PARD3B: variants seen among roughly 807,000 people sequenced by gnomAD.
The protein encoded by PARD3B is par-3 family cell polarity regulator beta.
Under a neutral mutation model 130.2 loss-of-function variants are expected in PARD3B, and 103 were observed. That is an observed-to-expected ratio of 0.79 (90% CI 0.67 to 0.93). The LOEUF (loss-of-function observed/expected upper bound fraction) is 0.93, where lower values mean the gene tolerates loss of function less well. PARD3B is among the 40% of genes least tolerant of loss of function. The pLI, the probability that PARD3B is intolerant of heterozygous loss-of-function variation, is 0.00. For synonymous variants in PARD3B, 583 were observed against 553.2 expected, an observed-to-expected ratio of 1.05 and a Z score of -0.76; for missense variants, 1,609 against 1,499.2, an observed-to-expected ratio of 1.07 and a Z score of -1.21.
At chr2:204,730,541 C>A (rs1406965062) in intron 2 of PARD3B, among the ~76,000 whole-genome samples, 2 of 149,490 alleles carry the variant, frequency 1.3e-5, no homozygotes, top group Admixed American at 1.3e-4. Flanking sequence ...ATACCATCCT[C>A]CTAAAAGCAA....
intron 2 of PARD3B, among the ~76,000 whole-genome samples, chr2:204,789,128 C>A (rs781729516): frequency 1.9e-4 from 29 of 152,172 alleles, no homozygotes; most frequent in Non-Finnish European, 4.0e-4. Flanking sequence ...GCAATCATAG[C>A]TCACTGCAGC....
intron 21 of PARD3B, among the ~76,000 whole-genome samples, chr2:205,528,611 C>T (rs1390784299): frequency 6.6e-6 from 1 of 152,072 alleles, no homozygotes; most frequent in Non-Finnish European, 1.5e-5. Flanking sequence ...TCTGCCTCAG[C>T]CTCCCAAGTA....
rs1039758697 is a variant in PARD3B, at chr2:205,264,609, T to C, written c.2185+18787T>C. 6.6e-5 allele frequency among the ~76,000 whole-genome samples: 10 copies of C among 151,206 alleles called. 1 individual carries two copies. The highest frequency in any genetic ancestry group is 2.6e-4 in the Admixed American group (4 of 15,130). The stretch of plus-strand genomic sequence containing the variant: ...AGTCATACAATGAAATTTGCACTGA[T>C]TTTGTGAACATAATCTTATGATTTC... On this transcript the variant is annotated intron_variant, in intron 16 of 22. Coordinates refer to ENST00000406610, the MANE Select transcript of PARD3B (RefSeq NM_001302769.2).
chr2:205,253,249 GA>G lies in PARD3B; in HGVS notation c.2185+7428del. ...TACTTCTTGATAACAAGAGTGAGAA[GA>G]TAGAGACAGGGTAGATAGACACTTA... On this transcript the variant is annotated intron_variant, in intron 16 of 22. Coordinates refer to ENST00000406610, the MANE Select transcript of PARD3B (RefSeq NM_001302769.2). The surrounding 1 kb of genome is among the most constrained non-coding windows in gnomAD (Gnocchi z 4.4). 1 of 453,502 alleles carries G rather than the reference GA, an allele frequency of 2.2e-6. No individual in the cohort carries two copies. Among genetic ancestry groups the G allele is most frequent in the Non-Finnish European group, 4.4e-6 (1 of 225,962 alleles). 28.1% of individuals were successfully genotyped at this position (453,502 alleles called of 1,614,324 possible). A position where few individuals can be genotyped will look rare whatever the true frequency, so the allele number is the denominator to read the frequency against.
chr2:204,886,719 T>A (rs1487545065), intron 2 of PARD3B, among the ~76,000 whole-genome samples: 1 of 152,222 alleles, frequency 6.6e-6, no homozygotes, highest in Non-Finnish European at 1.5e-5. Flanking sequence ...TCTTCAGTTC[T>A]AACAGAGCCC....
intron 2 of PARD3B, among the ~76,000 whole-genome samples, chr2:204,835,241 A>G (rs932280150): frequency 3.3e-5 from 5 of 152,214 alleles, no homozygotes; most frequent in Non-Finnish European, 5.9e-5. Context: ...CACTGGGTAG[A>G]TGAGATGCAT....
At chr2:204,653,866 A>G (rs764635515) in intron 1 of PARD3B, among the ~76,000 whole-genome samples, 3 of 151,108 alleles carry the variant, frequency 2.0e-5, no homozygotes, top group Non-Finnish European at 4.4e-5. Context: ...GTTTAACCTA[A>G]TGAAGCACTG....
chr2:205,351,135 A>C lies in PARD3B; in HGVS notation c.2630+49434A>C, dbSNP rs1249003869. On this transcript the variant is annotated intron_variant, in intron 18 of 22. Transcript: ENST00000406610. The surrounding 1 kb of genome is among the most constrained non-coding windows in gnomAD (Gnocchi z 4.2). The stretch of plus-strand genomic sequence containing the variant: ...CAAAAGGTGAATATTTTCTGGAATA[A>C]AATACAGAGTTGAAGTGAAATCATG... 6.6e-6 allele frequency among the ~76,000 whole-genome samples: 1 copy of C among 152,226 alleles called. No homozygotes were observed.
chr2:204,993,908 G>T (rs541322707), intron 3 of PARD3B, among the ~76,000 whole-genome samples: 21 of 151,588 alleles, frequency 1.4e-4, no homozygotes, highest in African/African-American at 4.1e-4. Context: ...TTGTATTTCT[G>T]TGGGATCGGT....
chr2:204,854,974 T>G (rs1483866398), intron 2 of PARD3B, among the ~76,000 whole-genome samples: 2 of 152,174 alleles, frequency 1.3e-5, no homozygotes, highest in Non-Finnish European at 2.9e-5. Context: ...GTGGATGCGC[T>G]GAATTTTATA....
At chr2:204,682,326 C>T (rs980962155) in intron 1 of PARD3B, among the ~76,000 whole-genome samples, 1 of 152,132 alleles carries the variant, frequency 6.6e-6, no homozygotes, top group Non-Finnish European at 1.5e-5. Context: ...AGTGTCTGAA[C>T]TTCGGAAAGT....
intron 3 of PARD3B, among the ~76,000 whole-genome samples, chr2:204,983,420 G>A (rs1177572267): frequency 1.4e-5 from 2 of 145,670 alleles, no homozygotes; most frequent in South Asian, 2.4e-4. Flanking sequence ...GGGAGAGGAA[G>A]GGGGGAGGAG....
At chr2:204,579,043 G>T (rs991062429) in intron 1 of PARD3B, among the ~76,000 whole-genome samples, 5 of 151,954 alleles carry the variant, frequency 3.3e-5, no homozygotes, top group African/African-American at 1.2e-4. Context: ...AACTTGAGTT[G>T]TCCCGGTTGA....
At chr2:205,379,803 C>T (rs1004711391) in intron 18 of PARD3B, among the ~76,000 whole-genome samples, 1 of 151,982 alleles carries the variant, frequency 6.6e-6, no homozygotes, top group Non-Finnish European at 1.5e-5. Context: ...GGTGCAGTGG[C>T]TCACACTTAT....
chr2:204,547,848 A>G (rs2030105865), intron 1 of PARD3B, among the ~76,000 whole-genome samples: 1 of 152,194 alleles, frequency 6.6e-6, no homozygotes, highest in Non-Finnish European at 1.5e-5. Context: ...TTGATCTTAA[A>G]AGGTGTTAAA....
chr2:204,735,108 G>A (rs767381206), intron 2 of PARD3B, among the ~76,000 whole-genome samples: 1 of 151,706 alleles, frequency 6.6e-6, no homozygotes, highest in Non-Finnish European at 1.5e-5. Flanking sequence ...GGTTGTCAGT[G>A]ACAACCACTT....
intron 4 of PARD3B, among the ~76,000 whole-genome samples, chr2:205,077,376 A>G (rs1294308985): frequency 2.0e-5 from 3 of 152,204 alleles, no homozygotes; most frequent in Non-Finnish European, 4.4e-5. Context: ...TCATGGCTCA[A>G]GGCGAATTTT....
At chr2:205,487,453 T>A (rs1413479549) in intron 20 of PARD3B, among the ~76,000 whole-genome samples, 1 of 40,934 alleles carries the variant, frequency 2.4e-5, no homozygotes, top group Non-Finnish European at 9.9e-5. Context: ...ACTGACATAA[T>A]CCTCTAAATT....
intron 13 of PARD3B, among the ~76,000 whole-genome samples, chr2:205,181,640 T>C (rs2035794576): frequency 1.3e-5 from 2 of 152,364 alleles, no homozygotes; most frequent in Non-Finnish European, 2.9e-5. Flanking sequence ...ACCAGGGCCA[T>C]AGCTTGCTGA....
Sources: gnomAD v4.1 joint callset for allele counts (sites outside exome capture counted in the v4.1 genomes callset) on GRCh38, gnomAD v4.1.1 for gene constraint, Gnocchi (gnomAD v3.1) non-coding constraint, MANE v1.5 for transcripts, NCBI Gene and HGNC (gene_info 2026-07-23, HGNC 2026-07-21) for gene names.